TRAPPC9: variants seen among roughly 807,000 people sequenced by gnomAD.
TRAPPC9 encodes IKK2 binding protein.
TRAPPC9 carries 83 observed loss-of-function variants against 124.0 expected under a neutral mutation model. The observed-to-expected ratio is 0.67, with a 90% confidence interval of 0.56 to 0.80. The LOEUF is 0.80. Among genes scored for constraint, TRAPPC9 ranks in the 30% least tolerant of loss-of-function variants. The pLI is 0.00. For synonymous variants in TRAPPC9, 638 were observed against 617.5 expected (o/e 1.03, Z -0.49); for missense variants, 1,302 against 1,508.3 (o/e 0.86, Z 2.27).
intron 21 of TRAPPC9, among the ~76,000 whole-genome samples, chr8:139,734,189 G>A (rs1818012825): frequency 6.6e-6 from 1 of 152,246 alleles, no homozygotes; most frequent in African/African-American, 2.4e-5. Context: ...AGGCAGCAGA[G>A]GATCTCGTGG....
At position 139,798,022 on chromosome 8, in the gene TRAPPC9, G is replaced by A. The variant is rs534438933; in HGVS notation, c.3056-65820C>T. ...ATATGAATTTTAGGATCAGCAGCTT[G>A]TCACTTTCTACCAAGAAGCCAGCTG... On this transcript the variant is annotated intron_variant, in intron 21 of 22. Coordinates refer to ENST00000438773, the MANE Select transcript of TRAPPC9 (RefSeq NM_001160372.4). Among the ~76,000 whole-genome samples, 179 of 152,316 alleles carry A rather than the reference G, an allele frequency of 1.2e-3. 2 individuals carry two copies. The highest frequency in any genetic ancestry group is 4.1e-3 in the African/African-American group (170 of 41,572).
At chr8:140,437,222 T>C (rs2070845527) in intron 3 of TRAPPC9, among the ~76,000 whole-genome samples, 1 of 152,172 alleles carries the variant, frequency 6.6e-6, no homozygotes, top group Admixed American at 6.5e-5. Flanking sequence ...TTAATGTTTT[T>C]TAATTTTGTT....
chr8:139,915,160 G>C (rs376111870), intron 19 of TRAPPC9, among the ~76,000 whole-genome samples: 1 of 148,224 alleles, frequency 6.7e-6, no homozygotes, highest in African/African-American at 2.5e-5. Flanking sequence ...GGTGGCGGTG[G>C]CGGTGCCGGG....
chr8:140,292,300 C>A lies in TRAPPC9; in HGVS notation c.1769-1222G>T, dbSNP rs530271699. On this transcript the variant is annotated intron_variant, in intron 11 of 22. Transcript: ENST00000438773. Reference sequence around the variant, plus strand: ...ATAGGTATGATAACCCCCGTCACTGCAAGGCAAACACTCAAGGTCCAAACA... The same window carrying A: ...ATAGGTATGATAACCCCCGTCACTGAAAGGCAAACACTCAAGGTCCAAACA... 7.9e-5 allele frequency among the ~76,000 whole-genome samples: 12 copies of A among 152,244 alleles called. No individual in the cohort carries two copies. The South Asian group carries it at 2.3e-3, about 29-fold the overall frequency.
At chr8:140,133,363 C>G (rs774727111) in intron 17 of TRAPPC9, among the ~76,000 whole-genome samples, 1 of 152,106 alleles carries the variant, frequency 6.6e-6, no homozygotes, top group South Asian at 2.1e-4. Flanking sequence ...CATCCTTTCA[C>G]GATAAAACAT....
At chr8:139,832,126 G>T (rs1229526471) in intron 21 of TRAPPC9, among the ~76,000 whole-genome samples, 2 of 152,152 alleles carry the variant, frequency 1.3e-5, no homozygotes, top group Admixed American at 6.5e-5. Flanking sequence ...CACCTCTGAG[G>T]GCCTCGTTCG....
At chr8:140,258,755 T>G (rs781738361) in intron 15 of TRAPPC9, among the ~76,000 whole-genome samples, 5 of 152,238 alleles carry the variant, frequency 3.3e-5, no homozygotes, top group African/African-American at 4.8e-5. Context: ...CCAGGCCACA[T>G]GAAACCAGTG....
chr8:140,074,456 T>G (rs2129880432), intron 17 of TRAPPC9, among the ~76,000 whole-genome samples: 1 of 152,304 alleles, frequency 6.6e-6, no homozygotes, highest in Middle Eastern at 3.4e-3. Context: ...GGGAGGCCAC[T>G]TCATCAACAT....
chr8:140,259,094 C>T (rs570024593), intron 15 of TRAPPC9, among the ~76,000 whole-genome samples: 1 of 152,234 alleles, frequency 6.6e-6, no homozygotes, highest in Non-Finnish European at 1.5e-5. Context: ...ACAGCAACAT[C>T]GTGGGATGGG....
intron 4 of TRAPPC9, among the ~76,000 whole-genome samples, chr8:140,428,148 T>TTA (rs755301540): frequency 6.6e-6 from 1 of 152,126 alleles, no homozygotes; most frequent in African/African-American, 2.4e-5. Context: ...GCCAAATATA[T>TTA]TATACTATGC....
chr8:140,444,915 C>G (rs975981286), intron 2 of TRAPPC9, among the ~76,000 whole-genome samples: 4 of 150,828 alleles, frequency 2.7e-5, no homozygotes, highest in Admixed American at 6.6e-5. Flanking sequence ...CTCCTGGTCA[C>G]AGCAAGCACC....
intron 17 of TRAPPC9, among the ~76,000 whole-genome samples, chr8:140,147,319 C>G (rs1312031841): frequency 6.6e-6 from 1 of 152,238 alleles, no homozygotes; most frequent in African/African-American, 2.4e-5. Flanking sequence ...TGCCATGAAT[C>G]TCTAAGATAG....
intron 21 of TRAPPC9, among the ~76,000 whole-genome samples, chr8:139,791,128 CCAGGGGA>C (rs1351991035): frequency 6.6e-6 from 1 of 152,172 alleles, no homozygotes; most frequent in Non-Finnish European, 1.5e-5. Flanking sequence ...CACGGGGCTC[CCAGGGGA>C]GTGCACAAGC....
chr8:140,290,908 G>T, intron 12 of TRAPPC9, 85 bp downstream of exon 12: 1 of 1,051,172 alleles, frequency 9.5e-7, no homozygotes, highest in Non-Finnish European at 1.5e-6. Context: ...ATCGTAAGAT[G>T]TGTGCCTCAG....
At chr8:140,325,484 G>C (rs143523481) in intron 9 of TRAPPC9, among the ~76,000 whole-genome samples, 2 of 152,076 alleles carry the variant, frequency 1.3e-5, no homozygotes, top group African/African-American at 2.4e-5. Context: ...GGATAATAAG[G>C]GAACAGTATA....
At chr8:140,456,672 C>A (rs1446500935) in intron 1 of TRAPPC9, 1 of 462,426 alleles carries the variant, frequency 2.2e-6, no homozygotes, top group Non-Finnish European at 2.8e-6. Flanking sequence ...ACATCATCCA[C>A]CCGGTGCTTT....
At chr8:140,363,498 A>G (rs2068015701) in intron 8 of TRAPPC9, among the ~76,000 whole-genome samples, 1 of 152,234 alleles carries the variant, frequency 6.6e-6, no homozygotes, top group Admixed American at 6.5e-5. Context: ...TTTGTTAAAC[A>G]TACAGCCAGC....
At chr8:140,306,266 C>G (rs1033412982) in intron 10 of TRAPPC9, among the ~76,000 whole-genome samples, 2 of 151,970 alleles carry the variant, frequency 1.3e-5, no homozygotes, top group Non-Finnish European at 2.9e-5. Flanking sequence ...GAGGCCAAGG[C>G]GGGTGGATCA....
At chr8:140,286,470 G>A (rs1415406303) in intron 13 of TRAPPC9, among the ~76,000 whole-genome samples, 1 of 152,192 alleles carries the variant, frequency 6.6e-6, no homozygotes, top group Non-Finnish European at 1.5e-5. Context: ...CAGTCCCAGT[G>A]CTTTTGTGAC....
Sources: gnomAD v4.1 joint callset for allele counts (sites outside exome capture counted in the v4.1 genomes callset) on GRCh38, gnomAD v4.1.1 for gene constraint, MANE v1.5 for transcripts, NCBI Gene and HGNC (gene_info 2026-07-23, HGNC 2026-07-21) for gene names.